UBL3: variants seen among roughly 807,000 people sequenced by gnomAD.
UBL3 encodes ubiquitin-like protein 3.
A neutral mutation model predicts 18.4 loss-of-function variants in UBL3; 6 were observed. The ratio of observed to expected loss-of-function variants is 0.33; its 90% CI spans 0.18 to 0.64. The LOEUF (loss-of-function observed/expected upper bound fraction) is 0.64, where lower values mean the gene tolerates loss of function less well. Among genes scored for constraint, UBL3 ranks in the 30% least tolerant of loss-of-function variants. The pLI, the probability that UBL3 is intolerant of heterozygous loss-of-function variation, is 0.76. For missense variants in UBL3, 109 were observed against 142.9 expected (o/e 0.76, Z 1.21); for synonymous variants, 49 against 46.6 (o/e 1.05, Z -0.21).
intron 1 of UBL3, among the ~76,000 whole-genome samples, chr13:29,824,592 G>T (rs1878567147): frequency 1.3e-5 from 2 of 152,052 alleles, no homozygotes; most frequent in African/African-American, 4.8e-5. Context: ...GTTCTTTGTA[G>T]ATTCTGGATA....
chr13:29,838,173 C>A (rs1404809459), intron 1 of UBL3, among the ~76,000 whole-genome samples: 1 of 152,064 alleles, frequency 6.6e-6, no homozygotes, highest in Non-Finnish European at 1.5e-5. Context: ...TTAACATAAA[C>A]AGTGGCAGCC....
At chr13:29,778,182 A>G (rs1299084954) in intron 1 of UBL3, among the ~76,000 whole-genome samples, 2 of 152,190 alleles carry the variant, frequency 1.3e-5, no homozygotes, top group Non-Finnish European at 2.9e-5. Flanking sequence ...GGTAGGACAC[A>G]TGGGACAAAG....
At chr13:29,832,514 A>T (rs1763733361) in intron 1 of UBL3, among the ~76,000 whole-genome samples, 1 of 152,052 alleles carries the variant, frequency 6.6e-6, no homozygotes, top group Admixed American at 6.5e-5. Context: ...TTGTATTTTT[A>T]GTAGAGACGG....
In UBL3 at chr13:29,767,714, A is replaced by G; in HGVS notation, c.224-19T>C. The G allele has an allele frequency of 6.2e-7, 1 of 1,605,234 alleles. No individual in the cohort carries two copies. Among genetic ancestry groups the G allele is most frequent in the South Asian group, 1.1e-5 (1 of 90,774 alleles). ...TTTAATGCTATGTGAAAAGCAAAAG[A>G]TGATTAGTTACACATATATCGACCT... On this transcript the variant is annotated intron_variant, in intron 3 of 4. Transcript: ENST00000380680.
intron 1 of UBL3, among the ~76,000 whole-genome samples, chr13:29,779,775 A>G (rs1235802818): frequency 1.3e-5 from 2 of 152,226 alleles, no homozygotes; most frequent in Non-Finnish European, 2.9e-5. Flanking sequence ...AACAGAACAC[A>G]TGCCTATTTG....
rs1342359720 is a variant in UBL3 at position 29,765,155 on chromosome 13, C to G, written c.*2100G>C. ...AAAACCAATAGAGAATTATTTTTAA[C>G]CATCATAAAAACTCAATCTTAATTA... On this transcript the variant is annotated 3_prime_UTR_variant, in exon 5 of 5. Transcript: ENST00000380680. 2 of 151,684 alleles carry G rather than the reference C, an allele frequency of 1.3e-5. No individual in the cohort carries two copies. The highest frequency in any genetic ancestry group is 4.8e-5 in the African/African-American group (2 of 41,270). 9.4% of individuals were successfully genotyped at this position (151,684 alleles called of 1,614,324 possible).
intron 1 of UBL3, among the ~76,000 whole-genome samples, chr13:29,811,649 A>G (rs919976799): frequency 6.6e-6 from 1 of 152,134 alleles, no homozygotes; most frequent in African/African-American, 2.4e-5. Context: ...GCACACAGCT[A>G]TCTTGAAAGT....
intron 1 of UBL3, among the ~76,000 whole-genome samples, chr13:29,820,326 G>T (rs1742266948): frequency 6.6e-6 from 1 of 152,020 alleles, no homozygotes; most frequent in Non-Finnish European, 1.5e-5. Flanking sequence ...ACAGGCATGT[G>T]CCATCATGCC....
chr13:29,831,159 A>G (rs1465729982), intron 1 of UBL3, among the ~76,000 whole-genome samples: 1 of 151,620 alleles, frequency 6.6e-6, no homozygotes, highest in Admixed American at 6.6e-5. Flanking sequence ...TCATATTGAT[A>G]TTTTTTCAAC....
At chr13:29,809,011 T>C (rs1877968388) in intron 1 of UBL3, among the ~76,000 whole-genome samples, 1 of 152,168 alleles carries the variant, frequency 6.6e-6, no homozygotes, top group South Asian at 2.1e-4. Flanking sequence ...CTCAAAATAA[T>C]ATAAACATCT....
intron 1 of UBL3, among the ~76,000 whole-genome samples, chr13:29,848,280 CAAAAAAAA>C (rs11372209): frequency 1.5e-5 from 1 of 68,320 alleles, no homozygotes; most frequent in Non-Finnish European, 2.6e-5. Flanking sequence ...CCTGTCTCCA[CAAAAAAAA>C]AAAAAAAAAA....
intron 2 of UBL3, 128 bp from the exon 3 acceptor site, chr13:29,772,326 A>G (rs1475225787): frequency 5.2e-6 from 3 of 576,472 alleles, no homozygotes; most frequent in African/African-American, 1.9e-5. Flanking sequence ...TCCTACTACT[A>G]TTAGAAACAG....
At chr13:29,834,325 C>A (rs1418249351) in intron 1 of UBL3, among the ~76,000 whole-genome samples, 1 of 151,818 alleles carries the variant, frequency 6.6e-6, no homozygotes, top group African/African-American at 2.4e-5. Context: ...CTAAATAGTT[C>A]TTTAAATATA....
intron 1 of UBL3, among the ~76,000 whole-genome samples, chr13:29,785,514 A>C (rs1877290705): frequency 6.6e-6 from 1 of 152,176 alleles, no homozygotes; most frequent in South Asian, 2.1e-4. Flanking sequence ...TTAATATGTA[A>C]ATTTTAAAAT....
intron 1 of UBL3, among the ~76,000 whole-genome samples, chr13:29,824,753 T>A (rs1285347775): frequency 1.3e-5 from 2 of 152,232 alleles, no homozygotes; most frequent in African/African-American, 2.4e-5. Context: ...GCCATTGCTT[T>A]TGGTGTTTTA....
chr13:29,799,586 G>T (rs1593660629), intron 1 of UBL3, among the ~76,000 whole-genome samples: 1 of 152,126 alleles, frequency 6.6e-6, no homozygotes, highest in South Asian at 2.1e-4. Flanking sequence ...AACAAAAATA[G>T]AACTTTTTAC....
intron 1 of UBL3, among the ~76,000 whole-genome samples, chr13:29,814,385 T>C (rs151099718): frequency 0.011 from 1,608 of 152,092 alleles, 32 homozygotes; most frequent in African/African-American, 0.037. Context: ...GGCAATGACA[T>C]GAAAACCTAT....
chr13:29,793,620 G>A (rs1212649268), intron 1 of UBL3, among the ~76,000 whole-genome samples: 2 of 151,620 alleles, frequency 1.3e-5, no homozygotes, highest in Admixed American at 6.6e-5. Flanking sequence ...CAATGATATA[G>A]CCTATACTCA....
At chr13:29,782,751 A>AG (rs1229404011) in intron 1 of UBL3, among the ~76,000 whole-genome samples, 1 of 152,206 alleles carries the variant, frequency 6.6e-6, no homozygotes, top group Non-Finnish European at 1.5e-5. Flanking sequence ...TGGGTGGGGA[A>AG]GGGGGAGAAA....
Sources: gnomAD v4.1 joint callset for allele counts (sites outside exome capture counted in the v4.1 genomes callset) on GRCh38, gnomAD v4.1.1 for gene constraint, MANE v1.5 for transcripts, NCBI Gene and HGNC (gene_info 2026-07-23, HGNC 2026-07-21) for gene names.